Variants in ABAT observed in about 807,000 individuals in gnomAD.
ABAT encodes 4-aminobutyrate aminotransferase, also known as 4-aminobutyrate aminotransferase, mitochondrial.
In ABAT, 45 loss-of-function variants were observed where a neutral mutation model predicts 64.6. The ratio of observed to expected loss-of-function variants is 0.70; its 90% CI spans 0.55 to 0.89. The LOEUF (loss-of-function observed/expected upper bound fraction) is 0.89. Ranked by LOEUF, ABAT falls within the 40% of genes least tolerant of loss-of-function variation. The pLI, the probability that ABAT is intolerant of heterozygous loss-of-function variation, is 0.00. For missense variants in ABAT, 633 were observed against 658.4 expected, an observed-to-expected ratio of 0.96 and a Z score of 0.42; for synonymous variants, 297 against 250.5, an observed-to-expected ratio of 1.19 and a Z score of -1.75.
chr16:8,755,881 C>G (rs1263404385), intron 5 of ABAT, among the ~76,000 whole-genome samples: 1 of 152,164 alleles, frequency 6.6e-6, no homozygotes, highest in East Asian at 1.9e-4. Context: ...AACCCCGTCT[C>G]TACTAAAAAT....
chr16:8,734,202 A>G lies in ABAT; in HGVS notation c.-41-1497A>G, dbSNP rs2058844045. Among the ~76,000 whole-genome samples, 3 of 152,276 alleles carry G rather than the reference A, an allele frequency of 2.0e-5. No individual in the cohort carries two copies. The South Asian group carries it at 6.2e-4, about 32-fold the overall frequency. ...GCACGTGAAAGAAGCCTGATAAATCATGCTCCTAGCACCTTTCACTTTTCC... is the reference window on the plus strand; with the variant it reads ...GCACGTGAAAGAAGCCTGATAAATCGTGCTCCTAGCACCTTTCACTTTTCC... On this transcript the variant is annotated intron_variant, in intron 1 of 15. Transcript: ENST00000268251.
intron 11 of ABAT, among the ~76,000 whole-genome samples, chr16:8,769,877 G>A (rs1197497388): frequency 2.0e-5 from 3 of 152,144 alleles, no homozygotes; most frequent in African/African-American, 7.2e-5. Flanking sequence ...ACTCAAATAA[G>A]GCTGCTGGTT....
chr16:8,769,245 A>G (rs2060032283), intron 11 of ABAT, among the ~76,000 whole-genome samples: 1 of 152,110 alleles, frequency 6.6e-6, no homozygotes, highest in Non-Finnish European at 1.5e-5. Context: ...AGAGTCAATG[A>G]CTCTAAAATA....
intron 1 of ABAT, among the ~76,000 whole-genome samples, chr16:8,727,556 G>C (rs2058595237): frequency 6.6e-6 from 1 of 152,162 alleles, no homozygotes; most frequent in Non-Finnish European, 1.5e-5. Flanking sequence ...CAAAATAGTT[G>C]TGATTCTGTT....
chr16:8,761,208 C>G (rs1044244901), intron 6 of ABAT, among the ~76,000 whole-genome samples: 1 of 142,582 alleles, frequency 7.0e-6, no homozygotes, highest in African/African-American at 2.5e-5. Context: ...CACCTTTCAC[C>G]TCTCTCTGCC....
chr16:8,689,325 C>T (rs183465561), intron 1 of ABAT, among the ~76,000 whole-genome samples: 56 of 152,252 alleles, frequency 3.7e-4, no homozygotes, highest in African/African-American at 1.1e-3. Flanking sequence ...ATTCTCTGTT[C>T]GGTTCTATTA....
intron 9 of ABAT, among the ~76,000 whole-genome samples, chr16:8,767,454 C>G (rs2059977755): frequency 6.6e-6 from 1 of 152,186 alleles, no homozygotes; most frequent in Non-Finnish European, 1.5e-5. Flanking sequence ...CGCCTGACAC[C>G]TGAGGAGGCC....
intron 5 of ABAT, 34 bp from the exon 6 acceptor site, chr16:8,757,723 A>C (rs1285146818): frequency 1.9e-6 from 3 of 1,609,842 alleles, no homozygotes; most frequent in Non-Finnish European, 2.6e-6. Flanking sequence ...CCTTGGATGC[A>C]ATGAGGTCTC....
chr16:8,745,948 C>A (rs906988077), intron 2 of ABAT, 53 bp from the exon 3 acceptor site: 16 of 1,541,490 alleles, frequency 1.0e-5, no homozygotes, highest in South Asian at 4.5e-5. Flanking sequence ...AGGGCAGAAT[C>A]CTCATGATCT....
At chr16:8,772,047 G>A (rs748884374) in intron 11 of ABAT, among the ~76,000 whole-genome samples, 1 of 152,174 alleles carries the variant, frequency 6.6e-6, no homozygotes, top group African/African-American at 2.4e-5. Context: ...TTGCAGGTGT[G>A]AGCCACCACA....
At chr16:8,742,108 C>T (rs1478273406) in intron 2 of ABAT, among the ~76,000 whole-genome samples, 3 of 152,192 alleles carry the variant, frequency 2.0e-5, no homozygotes, top group Non-Finnish European at 4.4e-5. Flanking sequence ...CTGTCCTCAG[C>T]ATTCCTGGCT....
intron 1 of ABAT, among the ~76,000 whole-genome samples, chr16:8,712,615 G>C (rs1302937382): frequency 6.6e-6 from 1 of 152,134 alleles, no homozygotes; most frequent in Non-Finnish European, 1.5e-5. Flanking sequence ...GATCTGCTTT[G>C]TGGAGTCCCC....
At chr16:8,676,555 G>A (rs2057206990) in intron 1 of ABAT, among the ~76,000 whole-genome samples, 1 of 152,204 alleles carries the variant, frequency 6.6e-6, no homozygotes, top group Non-Finnish European at 1.5e-5. Context: ...ATCCATTCCT[G>A]GGTGTCAGCG....
intron 12 of ABAT, among the ~76,000 whole-genome samples, chr16:8,774,455 G>T (rs1333786285): frequency 1.3e-5 from 2 of 152,056 alleles, no homozygotes; most frequent in Non-Finnish European, 2.9e-5. Flanking sequence ...TATAAGACGT[G>T]AGTTGACTTA....
chr16:8,710,393 A>G lies in ABAT; in HGVS notation c.-41-25306A>G, dbSNP rs191267562. On this transcript the variant is annotated intron_variant, in intron 1 of 15. Coordinates refer to ENST00000268251, the MANE Select transcript of ABAT (RefSeq NM_020686.6). ...ACTTTTGCATGCCATTTCTACCTCC[A>G]TGTTGACATTTGACCTTCAGAATGA... 2.6e-3 allele frequency among the ~76,000 whole-genome samples: 397 copies of G among 152,182 alleles called. 2 individuals carry two copies. Among genetic ancestry groups the G allele is most frequent in the Non-Finnish European group, 4.6e-3 (315 of 68,006 alleles).
intron 5 of ABAT, among the ~76,000 whole-genome samples, chr16:8,751,467 CA>C (rs1030441705): frequency 2.0e-5 from 3 of 152,026 alleles, no homozygotes; most frequent in Admixed American, 1.3e-4. Context: ...CAGCCTGGGG[CA>C]GGGGGAATAA....
chr16:8,712,699 T>A (rs550763299), intron 1 of ABAT: 1 of 152,514 alleles, frequency 6.6e-6, no homozygotes, highest in African/African-American at 2.4e-5. Flanking sequence ...AAGTTCAGGT[T>A]GAATTGCCCT....
chr16:8,755,019 G>T lies in ABAT; in HGVS notation c.317-2738G>T, dbSNP rs114271769. ...CTTATCTGCTATTCTTCAAACTCGA[G>T]AATTTCTGTTAGTTACTGGCTTCTT... On this transcript the variant is annotated intron_variant, in intron 5 of 15. Coordinates refer to ENST00000268251, the MANE Select transcript of ABAT (RefSeq NM_020686.6). 3.3e-3 allele frequency among the ~76,000 whole-genome samples: 503 copies of T among 152,182 alleles called. 2 individuals carry two copies. The highest frequency in any genetic ancestry group is 0.011 in the African/African-American group (474 of 41,520).
rs1254217437 is a variant in ABAT, at chr16:8,750,554, A to G, written c.316+15A>G. 2.5e-6 allele frequency: 4 copies of G among 1,605,756 alleles called. No homozygotes were observed. The African/African-American group carries it at 5.3e-5, about 21-fold the overall frequency. ...TGTCCCCATAGGTAAGAGCTGGGAA[A>G]TCATTCCTTGGATATAACCTCTGTT... On this transcript the variant is annotated intron_variant, in intron 5 of 15. Coordinates refer to ENST00000268251, the MANE Select transcript of ABAT (RefSeq NM_020686.6).
Sources: allele counts gnomAD v4.1 joint callset (sites outside exome capture counted in the v4.1 genomes callset), GRCh38; gene constraint gnomAD v4.1.1; transcripts MANE v1.5; gene names NCBI Gene and HGNC (gene_info 2026-07-23, HGNC 2026-07-21).